AKAP7: variants seen among roughly 807,000 people sequenced by gnomAD.
The protein encoded by AKAP7 is A kinase (PRKA) anchor protein 7.
Under a neutral mutation model 39.5 loss-of-function variants are expected in AKAP7, and 39 were observed. The observed-to-expected ratio is 0.99, with a 90% CI of 0.76 to 1.29. The LOEUF is 1.29. Ranked by LOEUF, AKAP7 falls within the 50% of genes most tolerant of loss-of-function variation. The pLI is 0.00. For missense variants in AKAP7, 414 were observed against 407.7 expected, an observed-to-expected ratio of 1.02 and a Z score of -0.13; for synonymous variants, 140 against 139.1, an observed-to-expected ratio of 1.01 and a Z score of -0.05.
intron 2 of AKAP7, among the ~76,000 whole-genome samples, chr6:131,155,480 T>A (rs1172470807): frequency 6.6e-6 from 1 of 152,236 alleles, no homozygotes; most frequent in African/African-American, 2.4e-5. Context: ...GGATCATCCA[T>A]TGATGGTCAT....
chr6:131,269,579 A>T (rs1388182937), intron 7 of AKAP7, among the ~76,000 whole-genome samples: 1 of 152,208 alleles, frequency 6.6e-6, no homozygotes, highest in Non-Finnish European at 1.5e-5. Flanking sequence ...AGACAAGGCA[A>T]AACCAGTCAG....
chr6:131,235,616 T>C (rs374231972), intron 7 of AKAP7, among the ~76,000 whole-genome samples: 42,566 of 152,102 alleles, frequency 0.28, 6,500 homozygotes, highest in Middle Eastern at 0.4. Context: ...TGGTGTGAGA[T>C]GGTATCTCAT....
At chr6:131,159,695 T>C (rs928416261) in intron 2 of AKAP7, among the ~76,000 whole-genome samples, 6 of 152,252 alleles carry the variant, frequency 3.9e-5, no homozygotes, top group African/African-American at 9.6e-5. Context: ...AAATGATCTT[T>C]CTTAGTGTTA....
At chr6:131,201,352 A>G (rs77625531) in intron 6 of AKAP7, among the ~76,000 whole-genome samples, 4,892 of 152,306 alleles carry the variant, frequency 0.032, 242 homozygotes, top group African/African-American at 0.11. Context: ...CAAAATAGAA[A>G]CAGTCACTGC....
intron 6 of AKAP7, among the ~76,000 whole-genome samples, chr6:131,219,112 C>CAAAAAATATTTTTTTGTGGTGACAG (rs1809465861): frequency 6.6e-6 from 1 of 151,678 alleles, no homozygotes; most frequent in East Asian, 1.9e-4. Flanking sequence ...ACTAAAATTA[C>CAAAAAATATTTTTTTGTGGTGACAG]AAAAAATATT....
At chr6:131,249,943 C>T (rs753506664) in intron 7 of AKAP7, among the ~76,000 whole-genome samples, 2 of 151,428 alleles carry the variant, frequency 1.3e-5, no homozygotes, top group Non-Finnish European at 2.9e-5. Flanking sequence ...AGATAACAGT[C>T]GATAGCCTCT....
At chr6:131,268,535 G>A (rs751701242) in intron 7 of AKAP7, among the ~76,000 whole-genome samples, 73 of 152,138 alleles carry the variant, frequency 4.8e-4, no homozygotes, top group Non-Finnish European at 8.7e-4. Flanking sequence ...CTCAGCCTGC[G>A]AAGCCCTCTG....
intron 5 of AKAP7, among the ~76,000 whole-genome samples, chr6:131,175,190 T>C (rs1345170210): frequency 6.6e-6 from 1 of 152,096 alleles, no homozygotes; most frequent in Non-Finnish European, 1.5e-5. Flanking sequence ...CATTTTCACA[T>C]TGAGTGGACT....
intron 7 of AKAP7, among the ~76,000 whole-genome samples, chr6:131,251,193 T>G (rs1244683457): frequency 6.6e-6 from 1 of 152,220 alleles, no homozygotes; most frequent in African/African-American, 2.4e-5. Context: ...TAAATGAATG[T>G]TGAATTCCAC....
At chr6:131,260,530 G>A (rs1813226655) in intron 7 of AKAP7, among the ~76,000 whole-genome samples, 1 of 152,144 alleles carries the variant, frequency 6.6e-6, no homozygotes, top group Admixed American at 6.5e-5. Context: ...TTGTGGTTTT[G>A]ATTTGCGTTT....
chr6:131,145,326 A>G lies in AKAP7; in HGVS notation c.61A>G (p.Lys21Glu). ...SNECENVSRK[K>E]KMSEEFEANT... is the part of the protein sequence containing the mutation. Reference sequence around the variant, plus strand: ...TGAGTGTGAAAATGTATCAAGAAAAAAGAAAATGTCAGAGGAATTTGAAGC... The same window carrying G: ...TGAGTGTGAAAATGTATCAAGAAAAGAGAAAATGTCAGAGGAATTTGAAGC... The change falls in exon 2 of 8, where the codon AAG becomes GAG. Residue 21 changes from lysine to glutamate, a missense_variant. Lys to Glu is a moderately conservative substitution (Grantham distance 56, BLOSUM62 1). Coordinates refer to ENST00000431975, the MANE Select transcript of AKAP7 (RefSeq NM_016377.4). 1 of 1,559,154 alleles carries G rather than the reference A, an allele frequency of 6.4e-7. No homozygotes were observed. The highest frequency in any genetic ancestry group is 8.7e-7 in the Non-Finnish European group (1 of 1,148,238).
chr6:131,260,189 TTATC>T (rs1468448850), intron 7 of AKAP7, among the ~76,000 whole-genome samples: 42 of 152,246 alleles, frequency 2.8e-4, no homozygotes, highest in Admixed American at 2.1e-3. Context: ...CACATTTTCT[TTATC>T]TAGTCTATCA....
At chr6:131,275,907 T>C (rs1814706695) in intron 7 of AKAP7, among the ~76,000 whole-genome samples, 1 of 152,228 alleles carries the variant, frequency 6.6e-6, no homozygotes, top group African/African-American at 2.4e-5. Flanking sequence ...GAGGCTGGAA[T>C]CACCACCCCT....
chr6:131,140,145 T>A lies in AKAP7; in HGVS notation c.19+4363T>A, dbSNP rs1336627995. On this transcript the variant is annotated intron_variant, in intron 1 of 7. Transcript: ENST00000431975. ...GATCTTCTGGAGCAGTGGTTTTCAA[T>A]TGGAAAACCACTCTTGCACATCGGA... 3.3e-5 allele frequency among the ~76,000 whole-genome samples: 5 copies of A among 152,172 alleles called. No individual in the cohort carries two copies. In the South Asian group the frequency reaches 6.2e-4, roughly 19 times the overall value.
intron 7 of AKAP7, among the ~76,000 whole-genome samples, chr6:131,260,143 TTTAAGGCTGCA>T (rs1166886385): frequency 6.6e-6 from 1 of 152,218 alleles, no homozygotes; most frequent in Non-Finnish European, 1.5e-5. Flanking sequence ...CTTGTTCCTT[TTTAAGGCTGCA>T]TAGTATTCCA....
At chr6:131,227,297 A>C (rs570154911) in intron 7 of AKAP7, among the ~76,000 whole-genome samples, 1 of 152,312 alleles carries the variant, frequency 6.6e-6, no homozygotes, top group South Asian at 2.1e-4. Context: ...TGGAGGCATT[A>C]ATAGTGATAG....
upstream of AKAP7, among the ~76,000 whole-genome samples, chr6:131,131,467 CTTTTT>C (rs3031855): frequency 0.14 from 19,446 of 138,354 alleles, 1,589 homozygotes; most frequent in South Asian, 0.19. Context: ...CTCTTTCTTT[CTTTTT>C]TTTTTTTTTT....
At chr6:131,158,645 T>C (rs1802637180) in intron 2 of AKAP7, among the ~76,000 whole-genome samples, 1 of 152,120 alleles carries the variant, frequency 6.6e-6, no homozygotes, top group Non-Finnish European at 1.5e-5. Flanking sequence ...TAGCTGAGAC[T>C]ACAGGCTTGT....
intron 4 of AKAP7, among the ~76,000 whole-genome samples, chr6:131,166,208 G>T (rs1413556283): frequency 6.6e-6 from 1 of 152,134 alleles, no homozygotes; most frequent in Non-Finnish European, 1.5e-5. Flanking sequence ...ATCCTGCAAG[G>T]ACAGAGAGGA....
Sources: gnomAD v4.1 joint callset for allele counts (sites outside exome capture counted in the v4.1 genomes callset) on GRCh38, gnomAD v4.1.1 for gene constraint, MANE v1.5 for transcripts, NCBI Gene and HGNC (gene_info 2026-07-23, HGNC 2026-07-21) for gene names.